CAMTA1: variants seen among roughly 807,000 people sequenced by gnomAD.
The protein encoded by CAMTA1 is calmodulin binding transcription activator 1.
A neutral mutation model predicts 170.9 loss-of-function variants in CAMTA1; 27 were observed. The ratio of observed to expected loss-of-function variants is 0.16; its 90% confidence interval spans 0.12 to 0.22. The LOEUF (loss-of-function observed/expected upper bound fraction) is 0.22. CAMTA1 is among the 10% of genes least tolerant of loss of function. The probability of loss-of-function intolerance (pLI) is 1.00; values close to 1 mark genes in which losing one functional copy is unlikely to be tolerated. For synonymous variants in CAMTA1, 833 were observed against 891.5 expected (o/e 0.93, Z 1.17); for missense variants, 1,619 against 2,217.2 (o/e 0.73, Z 5.42).
At chr1:7,277,601 C>T (rs1670921058) in intron 5 of CAMTA1, among the ~76,000 whole-genome samples, 1 of 152,208 alleles carries the variant, frequency 6.6e-6, no homozygotes, top group South Asian at 2.1e-4. Context: ...CATCTCCTCT[C>T]TATCTCCCCC....
intron 6 of CAMTA1, among the ~76,000 whole-genome samples, chr1:7,600,165 T>C (rs2095429187): frequency 6.6e-6 from 1 of 152,234 alleles, no homozygotes; most frequent in East Asian, 1.9e-4. Flanking sequence ...TGTTGAATTT[T>C]GTCAAAGGCC....
intron 5 of CAMTA1, among the ~76,000 whole-genome samples, chr1:7,291,346 C>G (rs1259647468): frequency 6.6e-6 from 1 of 152,144 alleles, no homozygotes; most frequent in Non-Finnish European, 1.5e-5. Flanking sequence ...TGGAGTCAGC[C>G]TGACCCAGTT....
chr1:7,103,651 C>T (rs1216830788), intron 4 of CAMTA1, among the ~76,000 whole-genome samples: 2 of 150,406 alleles, frequency 1.3e-5, no homozygotes, highest in Admixed American at 1.3e-4. Context: ...ACACACAACA[C>T]AACACATGTA....
At chr1:7,438,342 T>C (rs1172448711) in intron 5 of CAMTA1, among the ~76,000 whole-genome samples, 5 of 152,128 alleles carry the variant, frequency 3.3e-5, no homozygotes, top group African/African-American at 9.7e-5. Context: ...ACAGCTTTCT[T>C]TGGAGTCTTT....
intron 3 of CAMTA1, chr1:6,886,480 A>T: frequency 2.8e-6 from 1 of 362,228 alleles, no homozygotes; most frequent in Non-Finnish European, 5.4e-6. Context: ...AGAAGCCCAC[A>T]GCTCTTCTCG....
chr1:7,493,326 C>T (rs1191546023), intron 6 of CAMTA1, among the ~76,000 whole-genome samples: 12 of 149,678 alleles, frequency 8.0e-5, no homozygotes, highest in South Asian at 4.3e-4. Flanking sequence ...AACAAACCTA[C>T]GTACACACAC....
In CAMTA1 at chr1:7,510,524, G is replaced by A. The variant is rs1029088467; in HGVS notation, c.510+42623G>A. Among the ~76,000 whole-genome samples the A allele has an allele frequency of 4.8e-5, 7 of 146,544 alleles. 2 individuals are homozygous for A. The highest frequency in any genetic ancestry group is 2.2e-4 in the South Asian group (1 of 4,500). ...GACACATAGGTCACAGCTGTAGCTC[G>A]TACTATGACTGCGATGGGCAGAGCC... On this transcript the variant is annotated intron_variant, in intron 6 of 22. Transcript: ENST00000303635.
At chr1:7,312,985 T>A (rs1251592982) in intron 5 of CAMTA1, among the ~76,000 whole-genome samples, 1 of 152,194 alleles carries the variant, frequency 6.6e-6, no homozygotes, top group Non-Finnish European at 1.5e-5. Context: ...TTCTATCTCG[T>A]TACTCCTTTT....
At position 7,665,813 on chromosome 1, in the gene CAMTA1, A is replaced by G. The variant is rs953986933; in HGVS notation, c.2652+614A>G. Among the ~76,000 whole-genome samples, 1 of 151,990 alleles carries G rather than the reference A, an allele frequency of 6.6e-6. No individual in the cohort carries two copies. The highest frequency in any genetic ancestry group is 1.5e-5 in the Non-Finnish European group (1 of 67,982). ...GTTTCTCAATTTATGTGTTGAGTCC[A>G]TCTATGTTTTGCTTTGCTTTTTTTT... On this transcript the variant is annotated intron_variant, in intron 9 of 22. Coordinates refer to ENST00000303635, the MANE Select transcript of CAMTA1 (RefSeq NM_015215.4). The surrounding 1 kb of genome is among the most constrained non-coding windows in gnomAD (Gnocchi z 4.3).
At chr1:6,923,224 C>T (rs1022752934) in intron 3 of CAMTA1, among the ~76,000 whole-genome samples, 1 of 152,086 alleles carries the variant, frequency 6.6e-6, no homozygotes, top group Non-Finnish European at 1.5e-5. Flanking sequence ...TGGTGCTGTC[C>T]GACCAGTGAT....
Position 7,525,356 on chromosome 1 carries a change from C to A in CAMTA1, c.510+57455C>A, listed in dbSNP as rs199531797. Reference sequence around the variant, plus strand: ...GGACAAGCCCCCTCACCCATCCCAGCTCCAGCCCTGACTCTGGAACCTTCT... The same window carrying A: ...GGACAAGCCCCCTCACCCATCCCAGATCCAGCCCTGACTCTGGAACCTTCT... On this transcript the variant is annotated intron_variant, in intron 6 of 22. Coordinates refer to ENST00000303635, the MANE Select transcript of CAMTA1 (RefSeq NM_015215.4). 1.2e-4 allele frequency among the ~76,000 whole-genome samples: 18 copies of A among 152,242 alleles called. No individual in the cohort carries two copies. The East Asian group carries it at 3.3e-3, about 28-fold the overall frequency.
chr1:7,448,913 T>A (rs2092744934), intron 5 of CAMTA1, among the ~76,000 whole-genome samples: 1 of 152,212 alleles, frequency 6.6e-6, no homozygotes, highest in Admixed American at 6.5e-5. Flanking sequence ...ACTGCCTGCT[T>A]GCTCTGAGGC....
chr1:7,763,637 T>C (rs2096993207), intron 22 of CAMTA1, among the ~76,000 whole-genome samples: 1 of 152,224 alleles, frequency 6.6e-6, no homozygotes, highest in African/African-American at 2.4e-5. Flanking sequence ...GAAAAATGTT[T>C]AGGGTATACC....
intron 5 of CAMTA1, among the ~76,000 whole-genome samples, chr1:7,353,726 A>C (rs1393814362): frequency 1.3e-5 from 2 of 152,016 alleles, no homozygotes; most frequent in East Asian, 3.9e-4. Flanking sequence ...GCTGGGCCTG[A>C]ACTCTTTTTT....
intron 11 of CAMTA1, among the ~76,000 whole-genome samples, chr1:7,724,511 G>A (rs2096670226): frequency 6.6e-6 from 1 of 152,138 alleles, no homozygotes; most frequent in Admixed American, 6.5e-5. Context: ...ACTAGCTCAG[G>A]CATAAGAGAG....
chr1:7,167,549 T>C (rs1185527042), intron 4 of CAMTA1, among the ~76,000 whole-genome samples: 1 of 152,174 alleles, frequency 6.6e-6, no homozygotes, highest in Non-Finnish European at 1.5e-5. Flanking sequence ...CTCCTCTCCC[T>C]CCTACCACTA....
intron 5 of CAMTA1, among the ~76,000 whole-genome samples, chr1:7,309,323 G>A (rs113437971): frequency 4.9e-5 from 6 of 123,314 alleles, no homozygotes; most frequent in Non-Finnish European, 6.4e-5. Flanking sequence ...TTTTTGAGAC[G>A]GAGTCTCGCT....
At chr1:7,412,262 G>A (rs1161316399) in intron 5 of CAMTA1, among the ~76,000 whole-genome samples, 1 of 152,002 alleles carries the variant, frequency 6.6e-6, no homozygotes, top group Non-Finnish European at 1.5e-5. Flanking sequence ...ATAGTCCTTT[G>A]GGTATATACC....
intron 5 of CAMTA1, among the ~76,000 whole-genome samples, chr1:7,330,922 T>G (rs1279959065): frequency 6.6e-6 from 1 of 152,100 alleles, no homozygotes; most frequent in Non-Finnish European, 1.5e-5. Context: ...ATCGTAGGGC[T>G]TTGGGAGGCT....
Sources: allele counts gnomAD v4.1 joint callset (sites outside exome capture counted in the v4.1 genomes callset), GRCh38; gene constraint gnomAD v4.1.1; non-coding constraint Gnocchi (gnomAD v3.1); transcripts MANE v1.5; gene names NCBI Gene and HGNC (gene_info 2026-07-23, HGNC 2026-07-21).